The following NRXN1 variants were observed in gnomAD, a reference collection of about 807,000 sequenced individuals.
NRXN1 encodes the protein neurexin 1, also known as neurexin-1.
In NRXN1, 39 loss-of-function variants were observed where a neutral mutation model predicts 150.9. The observed-to-expected ratio is 0.26, with a 90% confidence interval of 0.20 to 0.34. NRXN1 has a LOEUF of 0.34. Among genes scored for constraint, NRXN1 ranks in the 10% least tolerant of loss-of-function variants. The pLI, the probability that NRXN1 is intolerant of heterozygous loss-of-function variation, is 1.00. For missense variants in NRXN1, 1,815 were observed against 1,949.9 expected (o/e 0.93, Z 1.30); for synonymous variants, 924 against 757.0 (o/e 1.22, Z -3.62).
At chr2:50,049,725 G>C (rs1046436932) in intron 21 of NRXN1, among the ~76,000 whole-genome samples, 3 of 152,058 alleles carry the variant, frequency 2.0e-5, no homozygotes, top group Non-Finnish European at 4.4e-5. Flanking sequence ...TCCTCTTCAT[G>C]TTGGCTTACA....
At chr2:50,714,850 T>C (rs1275381672) in intron 5 of NRXN1, among the ~76,000 whole-genome samples, 1 of 152,138 alleles carries the variant, frequency 6.6e-6, no homozygotes, top group South Asian at 2.1e-4. Context: ...TTTGCTTTCA[T>C]CTGTTAAACA....
At chr2:50,066,404 T>C (rs1695370422) in intron 19 of NRXN1, among the ~76,000 whole-genome samples, 1 of 152,076 alleles carries the variant, frequency 6.6e-6, no homozygotes. Flanking sequence ...TGAAGTGTAG[T>C]TGCCATAGAA....
At chr2:50,918,366 T>C (rs1181348405) in intron 5 of NRXN1, 2 of 285,778 alleles carry the variant, frequency 7.0e-6, no homozygotes, top group Non-Finnish European at 1.3e-5. Flanking sequence ...AATACAATGG[T>C]CAAAGAGAAA....
chr2:50,940,378 G>A (rs1689229038), intron 2 of NRXN1, among the ~76,000 whole-genome samples: 1 of 151,772 alleles, frequency 6.6e-6, no homozygotes, highest in Admixed American at 6.6e-5. Flanking sequence ...GGGAGGCTTA[G>A]GCAGGAGAAC....
intron 2 of NRXN1, among the ~76,000 whole-genome samples, chr2:50,984,091 C>T (rs1697283412): frequency 6.6e-6 from 1 of 151,126 alleles, no homozygotes; most frequent in South Asian, 2.1e-4. Context: ...CCTCAGCCTC[C>T]CAAGTAGCTA....
chr2:50,623,073 C>G (rs1014955028), intron 6 of NRXN1, among the ~76,000 whole-genome samples: 1 of 152,094 alleles, frequency 6.6e-6, no homozygotes, highest in South Asian at 2.1e-4. Flanking sequence ...GCAGGGATAT[C>G]CTTGCAGCCC....
intron 17 of NRXN1, among the ~76,000 whole-genome samples, chr2:50,305,851 C>G (rs1038300801): frequency 6.6e-6 from 1 of 152,218 alleles, no homozygotes; most frequent in Admixed American, 6.5e-5. Flanking sequence ...GCTATCCCTT[C>G]TTTTCCCTGC....
intron 5 of NRXN1, among the ~76,000 whole-genome samples, chr2:50,683,942 C>T (rs2104822003): frequency 6.6e-6 from 1 of 151,886 alleles, no homozygotes; most frequent in Admixed American, 6.6e-5. Flanking sequence ...ATATGGAATG[C>T]TCACTTCTGT....
chr2:49,933,239 A>G (rs1670447224), intron 22 of NRXN1, among the ~76,000 whole-genome samples: 1 of 152,014 alleles, frequency 6.6e-6, no homozygotes, highest in Non-Finnish European at 1.5e-5. Context: ...CGCACCTGCC[A>G]CCACGCCCGG....
rs572825686 is a variant in NRXN1 at position 50,878,541 on chromosome 2, T to C, written c.832+43328A>G. On this transcript the variant is annotated intron_variant, in intron 5 of 22. Coordinates refer to ENST00000401669, the MANE Select transcript of NRXN1 (RefSeq NM_001330078.2). ...AGAAACCCATGTGGGCATCCTGTAC[T>C]GGCTTTTTATAAACTCTGTAATTCT... Among the ~76,000 whole-genome samples the C allele has an allele frequency of 2.0e-5, 3 of 152,088 alleles. No individual in the cohort carries two copies. The South Asian group carries it at 6.2e-4, about 31-fold the overall frequency.
At chr2:50,407,370 T>G (rs1049967960) in intron 17 of NRXN1, among the ~76,000 whole-genome samples, 1 of 152,202 alleles carries the variant, frequency 6.6e-6, no homozygotes, top group South Asian at 2.1e-4. Flanking sequence ...GCAATGATAC[T>G]ATTATCCTCT....
chr2:50,352,806 A>AATAATAATG lies in NRXN1; in HGVS notation c.3364+112635_3364+112636insCATTATTAT, dbSNP rs1180178835. ...TAATAATAATAATAATAATAATAATAATGCCAGGCTAAAAGCATCTCTGGA... is the reference window on the plus strand; with the variant it reads ...TAATAATAATAATAATAATAATAATAATAATAATGATGCCAGGCTAAAAGCATCTCTGGA... On this transcript the variant is annotated intron_variant, in intron 17 of 22. Transcript: ENST00000401669. 2.2e-3 allele frequency among the ~76,000 whole-genome samples: 333 copies of AATAATAATG among 149,238 alleles called. 3 individuals are homozygous for AATAATAATG. The highest frequency in any genetic ancestry group is 7.9e-3 in the African/African-American group (321 of 40,850).
chr2:50,166,126 A>C (rs1483919753), intron 18 of NRXN1, among the ~76,000 whole-genome samples: 1 of 152,202 alleles, frequency 6.6e-6, no homozygotes, highest in Non-Finnish European at 1.5e-5. Flanking sequence ...ATGACACTCA[A>C]AAGAAATGCT....
chr2:50,903,698 C>T (rs1412003193), intron 5 of NRXN1, among the ~76,000 whole-genome samples: 1 of 152,096 alleles, frequency 6.6e-6, no homozygotes, highest in East Asian at 1.9e-4. Flanking sequence ...GAAATTATTT[C>T]CTCTCAATAC....
At chr2:50,064,159 G>C (rs1198394904) in intron 19 of NRXN1, among the ~76,000 whole-genome samples, 4 of 151,748 alleles carry the variant, frequency 2.6e-5, no homozygotes, top group Admixed American at 2.6e-4. Context: ...TGTCTATTTA[G>C]TTTATTCAGT....
intron 2 of NRXN1, among the ~76,000 whole-genome samples, chr2:50,969,045 C>A (rs1384532239): frequency 6.6e-6 from 1 of 152,082 alleles, no homozygotes; most frequent in African/African-American, 2.4e-5. Context: ...AGCCTCTTCA[C>A]AATTTAGTGC....
At chr2:50,991,811 T>A (rs993525746) in intron 2 of NRXN1, among the ~76,000 whole-genome samples, 1 of 152,052 alleles carries the variant, frequency 6.6e-6, no homozygotes, top group Non-Finnish European at 1.5e-5. Context: ...AAGGCAACGA[T>A]GCAATACAAG....
intron 4 of NRXN1, 74 bp downstream of exon 4, chr2:50,922,584 G>A: frequency 2.9e-6 from 4 of 1,389,958 alleles, no homozygotes; most frequent in South Asian, 1.2e-5. Flanking sequence ...CCCATCCTTT[G>A]CAGTGATGGT....
Position 50,411,289 on chromosome 2 carries a change from A to G in NRXN1, c.3364+54153T>C, listed in dbSNP as rs537284804. Among the ~76,000 whole-genome samples the G allele has an allele frequency of 7.9e-5, 12 of 152,252 alleles. 1 individual carries two copies. In the South Asian group the frequency reaches 2.5e-3, roughly 32 times the overall value. Reference sequence around the variant, plus strand: ...GTGATCTGCCAGCCTTGGCCTCCCGAGGTGCCGGGATTGCAGACAGAGTCT... The same window carrying G: ...GTGATCTGCCAGCCTTGGCCTCCCGGGGTGCCGGGATTGCAGACAGAGTCT... On this transcript the variant is annotated intron_variant, in intron 17 of 22. Transcript: ENST00000401669.
Sources: allele counts gnomAD v4.1 joint callset (sites outside exome capture counted in the v4.1 genomes callset), GRCh38; gene constraint gnomAD v4.1.1; transcripts MANE v1.5; gene names NCBI Gene and HGNC (gene_info 2026-07-23, HGNC 2026-07-21).